Variants in MATN3 observed in about 807,000 individuals in gnomAD.
MATN3 encodes matrilin-3.
In MATN3, 48 loss-of-function variants were observed where a neutral mutation model predicts 45.3. The ratio of observed to expected loss-of-function variants is 1.06; its 90% CI spans 0.84 to 1.35. The LOEUF is 1.35. MATN3 is among the 40% of genes most tolerant of loss of function. The probability of loss-of-function intolerance (pLI) is 0.00; values close to 1 mark genes in which losing one functional copy is unlikely to be tolerated. For missense variants in MATN3, 599 were observed against 628.0 expected, an observed-to-expected ratio of 0.95 and a Z score of 0.49; for synonymous variants, 217 against 245.9, an observed-to-expected ratio of 0.88 and a Z score of 1.10.
rs995254510 is a variant in MATN3, at chr2:20,012,297, C to G, written c.223+112G>C. Reference sequence around the variant, plus strand: ...CCCACAGGATTCATCCGGGAGGGGCCTCTTTCCCCCGCACCACGGTCGGCC... The same window carrying G: ...CCCACAGGATTCATCCGGGAGGGGCGTCTTTCCCCCGCACCACGGTCGGCC... On this transcript the variant is annotated intron_variant, in intron 1 of 7. Transcript: ENST00000407540. The surrounding 1 kb of genome is among the most constrained non-coding windows in gnomAD (Gnocchi z 4.3). 1.3e-4 allele frequency: 105 copies of G among 809,758 alleles called. 1 individual carries two copies. The African/African-American group carries it at 1.7e-3, about 13-fold the overall frequency. The allele number at this position is 809,758 out of a possible 1,614,324, so 50.2% of individuals were successfully genotyped here. A position where few individuals can be genotyped will look rare whatever the true frequency, so the allele number is the denominator to read the frequency against.
chr2:20,006,838 A>G (rs1344854756), intron 1 of MATN3, among the ~76,000 whole-genome samples: 1 of 152,032 alleles, frequency 6.6e-6, no homozygotes, highest in Non-Finnish European at 1.5e-5. Flanking sequence ...GGGGCTGAAA[A>G]CTGCTCCAGA....
At chr2:20,011,323 G>A (rs942699744) in intron 1 of MATN3, among the ~76,000 whole-genome samples, 1 of 152,170 alleles carries the variant, frequency 6.6e-6, no homozygotes, top group South Asian at 2.1e-4. Flanking sequence ...CTCAATTCCC[G>A]GCCTGGAGCA....
In MATN3 at chr2:20,012,010, C is replaced by G. The variant is rs1673227233; in HGVS notation, c.223+399G>C. The stretch of plus-strand genomic sequence containing the variant: ...GACTGTGGGAGGGGAGGAAAGATCA[C>G]GCCCTGATATTGGATGGAGATGGAG... On this transcript the variant is annotated intron_variant, in intron 1 of 7. Transcript: ENST00000407540. This position sits in a 1 kb window ranked among gnomAD's most constrained non-coding sequence, Gnocchi z 4.3. 6.6e-6 allele frequency among the ~76,000 whole-genome samples: 1 copy of G among 152,208 alleles called. No individual in the cohort carries two copies. Among genetic ancestry groups the G allele is most frequent in the Admixed American group, 6.5e-5 (1 of 15,290 alleles).
At chr2:20,010,397 C>T (rs1174655809) in intron 1 of MATN3, among the ~76,000 whole-genome samples, 1 of 152,104 alleles carries the variant, frequency 6.6e-6, no homozygotes, top group Non-Finnish European at 1.5e-5. Context: ...ATGTCCCCCG[C>T]CAAAGACGTC....
chr2:20,000,621 A>G (rs1672966619), intron 4 of MATN3, 55 bp from the exon 5 acceptor site: 2 of 1,540,574 alleles, frequency 1.3e-6, no homozygotes, highest in Non-Finnish European at 1.8e-6. Flanking sequence ...GTATTTTATT[A>G]CCCAGGATAG....
At chr2:20,007,088 T>C (rs112885484) in intron 1 of MATN3, among the ~76,000 whole-genome samples, 1 of 152,090 alleles carries the variant, frequency 6.6e-6, no homozygotes, top group Non-Finnish European at 1.5e-5. Context: ...GGTGCCTGTA[T>C]TCCCAGCTAC....
Position 20,006,297 on chromosome 2 carries a change from G to A in MATN3, c.237C>T (p.Ser79=), listed in dbSNP as rs1425353235. ...GRARGAGVCK[S]RPLDLVFIID... is the part of the protein sequence containing the mutation. ...TGATAAACACCAGGTCCAAGGGTCT[G>A]CTCTTGCAAACACCTGCAAAAGACC... is the stretch of plus-strand genomic sequence containing the variant. Residue 79 remains serine, a synonymous_variant, in exon 2 of 8, where the codon AGC becomes AGT. Coordinates refer to ENST00000407540, the MANE Select transcript of MATN3 (RefSeq NM_002381.5). 2 of 1,562,276 alleles carry A rather than the reference G, an allele frequency of 1.3e-6. No homozygotes were observed. Among genetic ancestry groups the A allele is most frequent in the African/African-American group, 1.3e-5 (1 of 74,152 alleles).
At position 19,999,981 on chromosome 2, in the gene MATN3, G is replaced by A. The variant is rs114939072; in HGVS notation, c.1168+460C>T. ...CAAACTTACTGGAAGATCTGTGTGG[G>A]TCTAATTCAGGCATTCACAAAGTCT... is the stretch of plus-strand genomic sequence containing the variant. On this transcript the variant is annotated intron_variant, in intron 5 of 7. Coordinates refer to ENST00000407540, the MANE Select transcript of MATN3 (RefSeq NM_002381.5). Among the ~76,000 whole-genome samples, 879 of 152,280 alleles carry A rather than the reference G, an allele frequency of 5.8e-3. 8 individuals carry two copies. The highest frequency in any genetic ancestry group is 0.012 in the Admixed American group (177 of 15,294).
At chr2:20,006,653 G>C (rs1473207445) in intron 1 of MATN3, among the ~76,000 whole-genome samples, 1 of 152,190 alleles carries the variant, frequency 6.6e-6, no homozygotes, top group Non-Finnish European at 1.5e-5. Context: ...CATTTCTTAA[G>C]TACCTTGGCT....
In MATN3 at chr2:19,992,307, G is replaced by T. The variant is rs1672773181; in HGVS notation, c.*804C>A. 1 of 152,154 alleles carries T rather than the reference G, an allele frequency of 6.6e-6. No individual in the cohort carries two copies. The highest frequency in any genetic ancestry group is 2.1e-4 in the South Asian group (1 of 4,830). The allele number at this position is 152,154 out of a possible 1,614,324, so 9.4% of individuals were successfully genotyped here. On this transcript the variant is annotated 3_prime_UTR_variant, in exon 8 of 8. Transcript: ENST00000407540. ...TAATCCCAGCACTTTGGGAGGCTGAGGCAGGTGGATCACTAACATTAAAAA... is the reference window on the plus strand; with the variant it reads ...TAATCCCAGCACTTTGGGAGGCTGATGCAGGTGGATCACTAACATTAAAAA...
In MATN3 at chr2:19,997,258, G is replaced by T; in HGVS notation, c.1170C>A (p.Val390=). 1 of 1,605,732 alleles carries T rather than the reference G, an allele frequency of 6.2e-7. No homozygotes were observed. The highest frequency in any genetic ancestry group is 1.1e-5 in the South Asian group (1 of 89,292). ...TLNADKKTCS[V]RDKCALGSHG... ...GAGAGCCTAGGGCACACTTGTCACG[G>T]ACTGACCGCACGTGGTGCAGGAAAG... The change falls in exon 6 of 8, where the codon GTC becomes GTA. Residue 390 remains valine (V), a splice_region_variant and synonymous_variant. Coordinates refer to ENST00000407540, the MANE Select transcript of MATN3 (RefSeq NM_002381.5).
intron 6 of MATN3, among the ~76,000 whole-genome samples, chr2:19,996,686 T>C (rs985294545): frequency 2.0e-5 from 3 of 152,130 alleles, no homozygotes; most frequent in African/African-American, 7.2e-5. Context: ...GAGAAGTAGT[T>C]ACCATGGGCT....
intron 3 of MATN3, among the ~76,000 whole-genome samples, 180 bp from the exon 4 acceptor site, chr2:20,002,260 T>C (rs1333825661): frequency 1.3e-5 from 2 of 152,028 alleles, no homozygotes; most frequent in Non-Finnish European, 2.9e-5. Context: ...GCTCTTTCAC[T>C]AAGAGACCCT....
intron 5 of MATN3, 109 bp from the exon 6 acceptor site, chr2:19,997,368 G>A: frequency 3.6e-6 from 4 of 1,117,276 alleles, no homozygotes; most frequent in South Asian, 1.7e-5. Context: ...TGCTGAGAAT[G>A]TAGTAGTCAG....
chr2:19,994,456 A>G, intron 6 of MATN3, 47 bp from the exon 7 acceptor site: 1 of 1,043,802 alleles, frequency 9.6e-7, no homozygotes. Flanking sequence ...GAATAGCTAT[A>G]TAGGAATCAT....
intron 2 of MATN3, among the ~76,000 whole-genome samples, chr2:20,005,206 T>C (rs1428399983): frequency 2.6e-5 from 4 of 152,174 alleles, no homozygotes; most frequent in African/African-American, 9.7e-5. Context: ...CAGCCCAGTC[T>C]GAAAACCAGA....
chr2:20,000,458 T>A lies in MATN3; in HGVS notation c.1151A>T (p.Asp384Val). ...GATCTTACCTGAACATGTTTTTTTA[T>A]CTGCATTCAGAGTGTAGCCCTCATA... is the stretch of plus-strand genomic sequence containing the variant. ...ECYEGYTLNA[D>V]KKTCSVRDKC... Residue 384 changes from aspartate (D) to valine (V), a missense_variant, in exon 5 of 8, where the codon GAT (aspartate) becomes GTT (valine). Coordinates refer to ENST00000407540, the MANE Select transcript of MATN3 (RefSeq NM_002381.5). 6.2e-7 allele frequency: 1 copy of A among 1,607,068 alleles called. No homozygotes were observed. Among genetic ancestry groups the A allele is most frequent in the Admixed American group, 1.7e-5 (1 of 58,558 alleles).
chr2:20,007,732 G>C (rs553392420), intron 1 of MATN3, among the ~76,000 whole-genome samples: 2 of 152,244 alleles, frequency 1.3e-5, no homozygotes, highest in African/African-American at 4.8e-5. Context: ...TGAAGCCCTG[G>C]AGCTACAAAA....
intron 7 of MATN3, 60 bp from the exon 8 acceptor site, chr2:19,993,226 T>G (rs531961925): frequency 8.5e-7 from 1 of 1,176,440 alleles, no homozygotes; most frequent in African/African-American, 1.5e-5. Context: ...ATAAACACAC[T>G]TTCAAACACT....
Sources: gnomAD v4.1 joint callset for allele counts (sites outside exome capture counted in the v4.1 genomes callset) on GRCh38, gnomAD v4.1.1 for gene constraint, Gnocchi (gnomAD v3.1) non-coding constraint, MANE v1.5 for transcripts, NCBI Gene and HGNC (gene_info 2026-07-23, HGNC 2026-07-21) for gene names.